The following MYO3B variants were observed in gnomAD, a reference collection of about 807,000 sequenced individuals.
The protein encoded by MYO3B is myosin-IIIb.
A neutral mutation model predicts 174.6 loss-of-function variants in MYO3B; 156 were observed. The ratio of observed to expected loss-of-function variants is 0.89; its 90% CI spans 0.78 to 1.02. The LOEUF (loss-of-function observed/expected upper bound fraction) is 1.02. MYO3B is among the 50% of genes least tolerant of loss of function. MYO3B has a pLI of 0.00. For missense variants in MYO3B, 1,632 were observed against 1,639.4 expected, an observed-to-expected ratio of 1.00 and a Z score of 0.08; for synonymous variants, 563 against 569.1, an observed-to-expected ratio of 0.99 and a Z score of 0.15.
At chr2:170,340,751 G>A (rs1398068060) in intron 8 of MYO3B, 1 of 152,120 alleles carries the variant, frequency 6.6e-6, no homozygotes, top group African/African-American at 2.4e-5. Context: ...TGATTATATG[G>A]CAGGTCACCT....
intron 3 of MYO3B, among the ~76,000 whole-genome samples, chr2:170,214,137 G>A (rs1159278037): frequency 6.6e-6 from 1 of 151,960 alleles, no homozygotes; most frequent in African/African-American, 2.4e-5. Context: ...CAATTAAAAA[G>A]TTAGCATTTT....
chr2:170,525,735 G>A (rs938474554), intron 30 of MYO3B, among the ~76,000 whole-genome samples: 4 of 152,210 alleles, frequency 2.6e-5, no homozygotes, highest in African/African-American at 9.6e-5. Flanking sequence ...GGGGCTTGGA[G>A]CCAATTGGGC....
At chr2:170,308,396 C>T (rs2093715186) in intron 7 of MYO3B, among the ~76,000 whole-genome samples, 1 of 152,200 alleles carries the variant, frequency 6.6e-6, no homozygotes, top group Non-Finnish European at 1.5e-5. Flanking sequence ...CTCTCTCTTT[C>T]TCTACAGAAA....
At chr2:170,383,650 A>T in intron 11 of MYO3B, 60 bp from the exon 12 acceptor site, 2 of 1,277,922 alleles carry the variant, frequency 1.6e-6, no homozygotes, top group Admixed American at 3.4e-5. Context: ...TTCATGGGCA[A>T]TAGGTAGTGG....
At chr2:170,599,952 G>GA (rs1289718197) in intron 32 of MYO3B, among the ~76,000 whole-genome samples, 2 of 151,860 alleles carry the variant, frequency 1.3e-5, no homozygotes, top group African/African-American at 4.8e-5. Context: ...GATTTATCTA[G>GA]AAAAAATTAT....
chr2:170,525,678 G>C (rs1277831818), intron 30 of MYO3B, among the ~76,000 whole-genome samples: 1 of 152,178 alleles, frequency 6.6e-6, no homozygotes, highest in Non-Finnish European at 1.5e-5. Flanking sequence ...CACCTCACAA[G>C]GGGAAAACAA....
chr2:170,581,208 T>C (rs1471365917), intron 32 of MYO3B, among the ~76,000 whole-genome samples: 2 of 152,200 alleles, frequency 1.3e-5, no homozygotes, highest in Non-Finnish European at 2.9e-5. Flanking sequence ...AAAAAATAAA[T>C]TTCGGAGTCA....
At chr2:170,344,874 A>G (rs779251977) in intron 8 of MYO3B, 2 of 152,284 alleles carry the variant, frequency 1.3e-5, no homozygotes, top group Non-Finnish European at 2.9e-5. Flanking sequence ...GAATCACAAC[A>G]GAGAGGATCT....
intron 32 of MYO3B, chr2:170,644,731 T>C (rs1232552592): frequency 6.6e-6 from 1 of 152,236 alleles, no homozygotes; most frequent in Non-Finnish European, 1.5e-5. Flanking sequence ...ATTCAGCTAT[T>C]TGTCTCTCAC....
chr2:170,226,363 T>C (rs1431655094), intron 6 of MYO3B, among the ~76,000 whole-genome samples: 1 of 152,220 alleles, frequency 6.6e-6, no homozygotes, highest in Non-Finnish European at 1.5e-5. Context: ...GCATTGTGTG[T>C]CAGGCTCAAA....
chr2:170,356,279 T>C (rs964077821), intron 8 of MYO3B, among the ~76,000 whole-genome samples: 1 of 151,090 alleles, frequency 6.6e-6, no homozygotes, highest in African/African-American at 2.4e-5. Flanking sequence ...TCGGTTTACA[T>C]TGAAGAGTGT....
chr2:170,557,929 C>A (rs1449398657), intron 32 of MYO3B, among the ~76,000 whole-genome samples: 1 of 152,082 alleles, frequency 6.6e-6, no homozygotes, highest in Admixed American at 6.6e-5. Flanking sequence ...TTTTGCACCC[C>A]CAGCCCCCAT....
chr2:170,314,453 C>G (rs1410714410), intron 7 of MYO3B, among the ~76,000 whole-genome samples: 3 of 152,182 alleles, frequency 2.0e-5, no homozygotes, highest in Non-Finnish European at 4.4e-5. Context: ...GCTGGCTCAT[C>G]CCACTGAAAG....
chr2:170,606,295 C>T (rs916691194), intron 32 of MYO3B, among the ~76,000 whole-genome samples: 2 of 152,208 alleles, frequency 1.3e-5, no homozygotes, highest in Admixed American at 1.3e-4. Context: ...TACCTCACAT[C>T]ATGATCCCCT....
At chr2:170,572,143 T>A (rs1348011657) in intron 32 of MYO3B, among the ~76,000 whole-genome samples, 4 of 151,782 alleles carry the variant, frequency 2.6e-5, no homozygotes, top group Admixed American at 2.6e-4. Context: ...CAAAACCCTT[T>A]CTCTGGTCGG....
chr2:170,604,916 TCA>T (rs1694720365), intron 32 of MYO3B, among the ~76,000 whole-genome samples: 1 of 152,220 alleles, frequency 6.6e-6, no homozygotes, highest in African/African-American at 2.4e-5. Context: ...CCAGGATTTT[TCA>T]CAGTCTCTCT....
chr2:170,219,989 T>A (rs2092875240), intron 6 of MYO3B, among the ~76,000 whole-genome samples: 1 of 152,222 alleles, frequency 6.6e-6, no homozygotes, highest in Admixed American at 6.5e-5. Flanking sequence ...CCGGGTGTGG[T>A]GGCTCATACC....
chr2:170,628,314 G>C (rs1696639326), intron 32 of MYO3B, among the ~76,000 whole-genome samples: 1 of 152,238 alleles, frequency 6.6e-6, no homozygotes, highest in African/African-American at 2.4e-5. Flanking sequence ...CTAGCAATGA[G>C]CGAGGCTCCG....
At chr2:170,301,874 C>CTTT (rs10538086) in intron 7 of MYO3B, among the ~76,000 whole-genome samples, 15 of 74,744 alleles carry the variant, frequency 2.0e-4, no homozygotes, top group Admixed American at 5.3e-4. Context: ...AAAGTGGAGG[C>CTTT]TTTTTTTTTT....
Sources: allele counts gnomAD v4.1 joint callset (sites outside exome capture counted in the v4.1 genomes callset), GRCh38; gene constraint gnomAD v4.1.1; transcripts MANE v1.5; gene names NCBI Gene and HGNC (gene_info 2026-07-23, HGNC 2026-07-21).